Variants in SEC24A observed in about 807,000 individuals in gnomAD.
SEC24A encodes the protein SEC24 homolog A, COPII component.
A neutral mutation model predicts 129.4 loss-of-function variants in SEC24A; 93 were observed. The observed-to-expected ratio is 0.72, with a 90% confidence interval of 0.61 to 0.85. The LOEUF (loss-of-function observed/expected upper bound fraction) is 0.85, where lower values mean the gene tolerates loss of function less well. SEC24A is among the 40% of genes least tolerant of loss of function. The pLI, the probability that SEC24A is intolerant of heterozygous loss-of-function variation, is 0.00. For synonymous variants in SEC24A, 460 were observed against 467.3 expected (o/e 0.98, Z 0.20); for missense variants, 1,264 against 1,307.4 (o/e 0.97, Z 0.51).
At chr5:134,670,617 C>G in intron 3 of SEC24A, among the ~76,000 whole-genome samples, 1 of 152,136 alleles carries the variant, frequency 6.6e-6, no homozygotes, top group East Asian at 1.9e-4. Flanking sequence ...AGTGGTTGTC[C>G]TCTGGACTTA....
intron 21 of SEC24A, among the ~76,000 whole-genome samples, 194 bp from the exon 22 acceptor site, chr5:134,723,373 G>A: frequency 6.6e-6 from 1 of 152,006 alleles, no homozygotes; most frequent in East Asian, 1.9e-4. Flanking sequence ...GCTATGGTGG[G>A]AGGATCACCG....
intron 1 of SEC24A, among the ~76,000 whole-genome samples, chr5:134,659,289 G>A (rs1017438983): frequency 6.6e-6 from 1 of 151,914 alleles, no homozygotes; most frequent in Non-Finnish European, 1.5e-5. Flanking sequence ...AGCCAGGATG[G>A]TCTTGATCTC....
intron 2 of SEC24A, among the ~76,000 whole-genome samples, chr5:134,664,600 T>C (rs1750588099): frequency 6.6e-6 from 1 of 152,152 alleles, no homozygotes; most frequent in Admixed American, 6.6e-5. Flanking sequence ...TTTTACATTC[T>C]TGTTCATGCT....
At chr5:134,662,915 T>C (rs569452973) in intron 2 of SEC24A, among the ~76,000 whole-genome samples, 1 of 152,132 alleles carries the variant, frequency 6.6e-6, no homozygotes, top group Non-Finnish European at 1.5e-5. Flanking sequence ...GGAGAATTGC[T>C]TGAGCTCTGG....
chr5:134,717,640 C>T (rs1048670213), intron 19 of SEC24A, among the ~76,000 whole-genome samples: 2 of 151,724 alleles, frequency 1.3e-5, no homozygotes, highest in African/African-American at 2.4e-5. Flanking sequence ...AATAATTGGC[C>T]GGGTGCGGTA....
chr5:134,669,354 T>C (rs1029396428), intron 3 of SEC24A, among the ~76,000 whole-genome samples: 19 of 151,018 alleles, frequency 1.3e-4, no homozygotes, highest in Admixed American at 1.3e-3. Flanking sequence ...TTAGTAGAGA[T>C]GGGGTTTCTC....
chr5:134,654,176 T>C (rs1241812735), intron 1 of SEC24A, among the ~76,000 whole-genome samples: 1 of 149,578 alleles, frequency 6.7e-6, no homozygotes, highest in African/African-American at 2.5e-5. Context: ...AATAAATTAA[T>C]AAAAAACAAA....
intron 9 of SEC24A, 61 bp from the exon 10 acceptor site, chr5:134,686,729 C>T (rs529890408): frequency 2.1e-6 from 2 of 953,180 alleles, no homozygotes; most frequent in Non-Finnish European, 3.2e-6. Context: ...TATGTGTACC[C>T]AGCAAATAAG....
At chr5:134,692,409 A>C (rs1751688042) in intron 11 of SEC24A, among the ~76,000 whole-genome samples, 193 bp from the exon 12 acceptor site, 1 of 152,066 alleles carries the variant, frequency 6.6e-6, no homozygotes, top group Admixed American at 6.6e-5. Flanking sequence ...AGAAGCAGAA[A>C]ATTTGCAGTA....
intron 7 of SEC24A, among the ~76,000 whole-genome samples, chr5:134,678,973 C>T (rs905740972): frequency 6.6e-6 from 1 of 151,968 alleles, no homozygotes; most frequent in Non-Finnish European, 1.5e-5. Context: ...CCTTGGCCTC[C>T]CACCAGAGTG....
chr5:134,712,811 G>T (rs1174692543), intron 18 of SEC24A, among the ~76,000 whole-genome samples: 1 of 150,724 alleles, frequency 6.6e-6, no homozygotes, highest in African/African-American at 2.4e-5. Context: ...GTAGAGACGG[G>T]GTTTCACCGT....
chr5:134,727,435 AC>A lies in SEC24A; in HGVS notation c.*2342del, dbSNP rs1752780845. Reference sequence around the variant, plus strand: ...CTGTAAGTCTGACATACTAATAGTCACTCAAGCAGTACCATTTATTTTAGTT... The same window carrying A: ...CTGTAAGTCTGACATACTAATAGTCATCAAGCAGTACCATTTATTTTAGTT... On this transcript the variant is annotated 3_prime_UTR_variant, in exon 23 of 23. Transcript: ENST00000398844. 1 of 152,546 alleles carries A rather than the reference AC, an allele frequency of 6.6e-6. No homozygotes were observed. Among genetic ancestry groups the A allele is most frequent in the Non-Finnish European group, 1.5e-5 (1 of 68,006 alleles). The allele number at this position is 152,546 out of a possible 1,614,324, so 9.4% of individuals were successfully genotyped here. A position where few individuals can be genotyped will look rare whatever the true frequency, so the allele number is the denominator to read the frequency against.
chr5:134,673,038 C>T (rs1276032226), intron 4 of SEC24A, among the ~76,000 whole-genome samples: 7 of 146,348 alleles, frequency 4.8e-5, no homozygotes, highest in South Asian at 2.1e-4. Flanking sequence ...CCATCTCACA[C>T]GGCCCATTTA....
chr5:134,706,755 G>C (rs1458401514), intron 17 of SEC24A, among the ~76,000 whole-genome samples: 4 of 152,156 alleles, frequency 2.6e-5, no homozygotes, highest in African/African-American at 9.6e-5. Context: ...CAGTGGCACA[G>C]TCTCAGCTCA....
At position 134,661,066 on chromosome 5, in the gene SEC24A, A is replaced by T. The variant is rs1013759638; in HGVS notation, c.98-53A>T. On this transcript the variant is annotated intron_variant, in intron 1 of 22. Transcript: ENST00000398844. ...GAATATATGTTTTACTTTATTTCTT[A>T]AAGTATTGCTATATTCGTTGGTAAG... 3.1e-5 allele frequency: 38 copies of T among 1,206,674 alleles called. No individual in the cohort carries two copies. In the African/African-American group the frequency reaches 5.6e-4, roughly 18 times the overall value. The allele number at this position is 1,206,674 out of a possible 1,614,324, so 74.7% of individuals were successfully genotyped here.
intron 9 of SEC24A, among the ~76,000 whole-genome samples, chr5:134,683,517 G>A (rs768358405): frequency 1.7e-4 from 26 of 151,898 alleles, no homozygotes; most frequent in Non-Finnish European, 8.8e-5. Context: ...TTTGTTTAAC[G>A]TTTATTTCTT....
chr5:134,724,854 G>T, intron 22 of SEC24A, 126 bp from the exon 23 acceptor site: 1 of 604,524 alleles, frequency 1.7e-6, no homozygotes, highest in South Asian at 2.1e-5. Flanking sequence ...TATTCTCAGA[G>T]AAAGCCTCTA....
At chr5:134,663,168 G>A (rs1412946129) in intron 2 of SEC24A, among the ~76,000 whole-genome samples, 1 of 152,064 alleles carries the variant, frequency 6.6e-6, no homozygotes. Context: ...TCATCAAACT[G>A]CTGGGCTCAA....
intron 16 of SEC24A, among the ~76,000 whole-genome samples, chr5:134,705,090 A>ATATTTT (rs1180461537): frequency 2.5e-4 from 31 of 123,308 alleles, no homozygotes; most frequent in African/African-American, 8.1e-4. Context: ...ATATATATAT[A>ATATTTT]TTTTTTTTTT....
Sources: gnomAD v4.1 joint callset for allele counts (sites outside exome capture counted in the v4.1 genomes callset) on GRCh38, gnomAD v4.1.1 for gene constraint, MANE v1.5 for transcripts, NCBI Gene and HGNC (gene_info 2026-07-23, HGNC 2026-07-21) for gene names.